Variants in TRMT2B observed in about 807,000 individuals in gnomAD.
TRMT2B encodes tRNA (uracil-5-)-methyltransferase homolog B.
A neutral mutation model predicts 39.7 loss-of-function variants in TRMT2B; 34 were observed. The observed-to-expected ratio is 0.86, with a 90% CI of 0.65 to 1.14. TRMT2B has a LOEUF of 1.14. Among genes scored for constraint, TRMT2B ranks in the 50% most tolerant of loss-of-function variants. The pLI, the probability that TRMT2B is intolerant of heterozygous loss-of-function variation, is 0.00. For missense variants in TRMT2B, 318 were observed against 377.2 expected (o/e 0.84, Z 1.30); for synonymous variants, 132 against 137.3 (o/e 0.96, Z 0.27).
At chrX:100,990,060 C>A in the TRMT2B span, among the ~76,000 whole-genome samples, 2 of 112,575 alleles carry the variant, frequency 1.8e-5, no homozygotes, top group Non-Finnish European at 3.7e-5. Context: ...AGAATGGATA[C>A]CTGGGACACA....
chrX:101,051,600 G>C lies in TRMT2B; in HGVS notation c.-373C>G. 1 of 754,897 alleles carries C rather than the reference G, an allele frequency of 1.3e-6. No individual in the cohort carries two copies. Among genetic ancestry groups the C allele is most frequent in the African/African-American group, 2.3e-5 (1 of 43,974 alleles). 62.2% of individuals were successfully genotyped at this position (754,897 alleles called of 1,213,427 possible). A position where few individuals can be genotyped will look rare whatever the true frequency, so the allele number is the denominator to read the frequency against. ...CCCGGGAAGGACAGAAAGTAAGGGA[G>C]TGGGAGGAGTTAGGGCACAGGCCCA... On this transcript the variant is annotated 5_prime_UTR_variant, in exon 2 of 14. Transcript: ENST00000372936.
At chrX:100,980,714 C>A in the TRMT2B span, among the ~76,000 whole-genome samples, 1 of 112,043 alleles carries the variant, frequency 8.9e-6, no homozygotes, top group Admixed American at 9.5e-5. Flanking sequence ...GAAGCCAGCA[C>A]AATACCAGGT....
chrX:100,983,740 T>G, the TRMT2B span, among the ~76,000 whole-genome samples: 1 of 111,881 alleles, frequency 8.9e-6, no homozygotes, highest in Non-Finnish European at 1.9e-5. Flanking sequence ...ATCTGAAAAC[T>G]ATAATTTAAC....
chrX:100,981,556 C>T, the TRMT2B span, among the ~76,000 whole-genome samples: 7 of 107,294 alleles, frequency 6.5e-5, no homozygotes, highest in African/African-American at 2.4e-4. Context: ...GCAATCCCAG[C>T]ACTTTGAGAG....
At chrX:100,974,340 CACACACACAT>C in the TRMT2B span, 1 of 460,403 alleles carries the variant, frequency 2.2e-6, no homozygotes. Context: ...CACACACGCA[CACACACACAT>C]ACTCTATCTC....
intron 7 of TRMT2B, among the ~76,000 whole-genome samples, chrX:101,026,876 C>T (rs1278619498): frequency 9.0e-6 from 1 of 111,682 alleles, no homozygotes; most frequent in Non-Finnish European, 1.9e-5. Flanking sequence ...TCATTCCCAT[C>T]AATATACTAT....
the TRMT2B span, chrX:100,973,732 A>C: frequency 8.3e-7 from 1 of 1,210,902 alleles, no homozygotes; most frequent in Non-Finnish European, 1.1e-6. Context: ...CCTAAGGACA[A>C]CAGAAGAGAC....
chrX:101,048,564 G>A (rs1320795374), intron 2 of TRMT2B, among the ~76,000 whole-genome samples: 2 of 111,814 alleles, frequency 1.8e-5, no homozygotes, highest in East Asian at 2.8e-4. Flanking sequence ...TCAGCCTCCC[G>A]CGTAGCTGGG....
At chrX:101,040,966 C>T (rs5966730) in intron 4 of TRMT2B, among the ~76,000 whole-genome samples, 4,951 of 111,413 alleles carry the variant, frequency 0.044, 298 homozygotes, top group African/African-American at 0.15. Flanking sequence ...TCCCAGCACT[C>T]TGGGAGGCCG....
chrX:101,015,621 C>T (rs1375629414), intron 13 of TRMT2B: 1 of 750,755 alleles, frequency 1.3e-6, no homozygotes, highest in Non-Finnish European at 1.6e-6. Flanking sequence ...GCAGTCTCAG[C>T]TTACCAATTT....
intron 2 of TRMT2B, among the ~76,000 whole-genome samples, chrX:101,050,462 C>T (rs2088990183): frequency 1.8e-5 from 2 of 112,406 alleles, no homozygotes; most frequent in Non-Finnish European, 3.8e-5. Context: ...CGGTGGCTCA[C>T]GCCTGCAATC....
chrX:101,043,271 A>G (rs2088361157), intron 2 of TRMT2B, among the ~76,000 whole-genome samples: 1 of 109,798 alleles, frequency 9.1e-6, no homozygotes, highest in Non-Finnish European at 1.9e-5. Flanking sequence ...CTGTCTCAAA[A>G]AAAAAAATAA....
At position 101,010,485 on chromosome X, in the gene TRMT2B, A is replaced by G; in HGVS notation, c.*96T>C. 1 of 1,017,382 alleles carries G rather than the reference A, an allele frequency of 9.8e-7. No individual in the cohort carries two copies. Among genetic ancestry groups the G allele is most frequent in the East Asian group, 3.0e-5 (1 of 32,829 alleles). 83.8% of individuals were successfully genotyped at this position (1,017,382 alleles called of 1,213,427 possible). On this transcript the variant is annotated 3_prime_UTR_variant, in exon 14 of 14. Transcript: ENST00000372936. ...CAAACCAAAGATTGGTTTCCACTGT[A>G]ATGCTCCCAGGGTCTGCAATGTAGC...
chrX:100,981,395 T>C, the TRMT2B span, among the ~76,000 whole-genome samples: 1 of 111,204 alleles, frequency 9.0e-6, no homozygotes, highest in East Asian at 2.9e-4. Flanking sequence ...GCACTCTCTC[T>C]TTCAAGCACA....
At chrX:101,040,787 C>A (rs987159566) in intron 4 of TRMT2B, among the ~76,000 whole-genome samples, 1 of 111,541 alleles carries the variant, frequency 9.0e-6, no homozygotes, top group Admixed American at 9.7e-5. Flanking sequence ...AACAAAAACG[C>A]AAGGAAGAGA....
chrX:101,028,168 G>C (rs1272027513), intron 7 of TRMT2B, among the ~76,000 whole-genome samples: 1 of 99,849 alleles, frequency 1.0e-5, no homozygotes, highest in African/African-American at 3.7e-5. Context: ...ACCCAGGCTG[G>C]AGTGCAGTGG....
intron 2 of TRMT2B, among the ~76,000 whole-genome samples, chrX:101,050,787 T>G (rs1273011386): frequency 9.5e-6 from 1 of 105,367 alleles, no homozygotes; most frequent in Non-Finnish European, 2.0e-5. Flanking sequence ...CTCTCGCTTG[T>G]AATCCCAGCA....
intron 3 of TRMT2B, among the ~76,000 whole-genome samples, chrX:101,041,743 A>G (rs1248550537): frequency 2.7e-5 from 3 of 111,938 alleles, no homozygotes; most frequent in Non-Finnish European, 3.8e-5. Flanking sequence ...AATCCATCTA[A>G]TATCATTCTG....
chrX:100,988,475 C>A, the TRMT2B span: 5 of 1,189,305 alleles, frequency 4.2e-6, no homozygotes, highest in Non-Finnish European at 5.7e-6. Flanking sequence ...AGAATGAGAG[C>A]TCAGAATACT....
Sources: allele counts gnomAD v4.1 joint callset (sites outside exome capture counted in the v4.1 genomes callset), GRCh38; gene constraint gnomAD v4.1.1; transcripts MANE v1.5; gene names NCBI Gene and HGNC (gene_info 2026-07-23, HGNC 2026-07-21).